The following EDIL3 variants were observed in gnomAD, a reference collection of about 807,000 sequenced individuals.
The protein encoded by EDIL3 is EGF-like repeat and discoidin I-like domain-containing protein 3.
Under a neutral mutation model 67.4 loss-of-function variants are expected in EDIL3, and 37 were observed. The observed-to-expected ratio is 0.55, with a 90% confidence interval of 0.42 to 0.72. The LOEUF (loss-of-function observed/expected upper bound fraction) is 0.72. EDIL3 is among the 30% of genes least tolerant of loss of function. The pLI is 0.00. For missense variants in EDIL3, 527 were observed against 586.3 expected (o/e 0.90, Z 1.04); for synonymous variants, 195 against 196.3 (o/e 0.99, Z 0.05).
intron 3 of EDIL3, among the ~76,000 whole-genome samples, chr5:84,210,202 T>G (rs1452772489): frequency 6.6e-6 from 1 of 152,184 alleles, no homozygotes; most frequent in Non-Finnish European, 1.5e-5. Flanking sequence ...TAGTAAATAT[T>G]TGTTTTTCAT....
At chr5:84,339,475 T>A (rs1747054744) in intron 1 of EDIL3, among the ~76,000 whole-genome samples, 1 of 152,180 alleles carries the variant, frequency 6.6e-6, no homozygotes, top group Non-Finnish European at 1.5e-5. Context: ...TTCTCCCTCT[T>A]TACTGGCTGT....
chr5:84,205,905 T>C (rs1452753412), intron 3 of EDIL3, among the ~76,000 whole-genome samples: 4 of 150,582 alleles, frequency 2.7e-5, no homozygotes, highest in African/African-American at 7.3e-5. Flanking sequence ...TTTGTGTCTC[T>C]ATTTCCTTCA....
chr5:84,016,368 T>C (rs1389042702), intron 9 of EDIL3, among the ~76,000 whole-genome samples: 1 of 152,158 alleles, frequency 6.6e-6, no homozygotes, highest in Non-Finnish European at 1.5e-5. Context: ...ACTTCTTTCT[T>C]TTCTTCCTCT....
At chr5:83,978,847 TA>T (rs1365546189) in intron 9 of EDIL3, among the ~76,000 whole-genome samples, 1 of 152,066 alleles carries the variant, frequency 6.6e-6, no homozygotes, top group African/African-American at 2.4e-5. Flanking sequence ...CTCTTAAATG[TA>T]AAAAGTGAAA....
At chr5:83,992,668 C>A (rs915015791) in intron 9 of EDIL3, among the ~76,000 whole-genome samples, 1 of 152,080 alleles carries the variant, frequency 6.6e-6, no homozygotes, top group African/African-American at 2.4e-5. Context: ...GAGATATTTA[C>A]AATGAGATAT....
chr5:84,211,594 G>C (rs1384099742), intron 3 of EDIL3, among the ~76,000 whole-genome samples: 5 of 152,112 alleles, frequency 3.3e-5, no homozygotes, highest in Non-Finnish European at 5.9e-5. Context: ...ACAGACAAAA[G>C]CGGAGCAGGT....
At chr5:84,205,241 C>T (rs1743943253) in intron 3 of EDIL3, among the ~76,000 whole-genome samples, 1 of 151,466 alleles carries the variant, frequency 6.6e-6, no homozygotes, top group East Asian at 1.9e-4. Flanking sequence ...TTTCTAATAA[C>T]ATATATATAT....
chr5:83,963,820 AC>A (rs1331268463), intron 9 of EDIL3, among the ~76,000 whole-genome samples: 1 of 151,858 alleles, frequency 6.6e-6, no homozygotes, highest in East Asian at 1.9e-4. Context: ...CACATCAGGG[AC>A]AAAAATAGTA....
chr5:84,224,688 C>T (rs1744414150), intron 3 of EDIL3, among the ~76,000 whole-genome samples: 2 of 151,380 alleles, frequency 1.3e-5, no homozygotes, highest in Admixed American at 6.6e-5. Flanking sequence ...TACCCCCTCA[C>T]ATTCTTCATA....
At chr5:84,214,908 G>A (rs1382969376) in intron 3 of EDIL3, among the ~76,000 whole-genome samples, 1 of 151,920 alleles carries the variant, frequency 6.6e-6, no homozygotes, top group Admixed American at 6.6e-5. Flanking sequence ...TAGTAGAGAT[G>A]GAGTTTCACT....
chr5:84,140,904 T>C (rs1163797202), intron 4 of EDIL3, among the ~76,000 whole-genome samples: 1 of 152,118 alleles, frequency 6.6e-6, no homozygotes, highest in Admixed American at 6.6e-5. Context: ...ATGCAGGAGT[T>C]CTTTCAGCAG....
At chr5:83,947,544 T>A (rs1452961917) in intron 10 of EDIL3, among the ~76,000 whole-genome samples, 1 of 151,856 alleles carries the variant, frequency 6.6e-6, no homozygotes, top group African/African-American at 2.4e-5. Context: ...AACCCTGTTT[T>A]TATCTAATTC....
At chr5:84,161,499 A>T (rs1748612816) in intron 4 of EDIL3, among the ~76,000 whole-genome samples, 1 of 152,052 alleles carries the variant, frequency 6.6e-6, no homozygotes, top group African/African-American at 2.4e-5. Flanking sequence ...AAACAAAACA[A>T]AAGCATCCTT....
At chr5:84,273,255 C>A (rs1270643777) in intron 1 of EDIL3, among the ~76,000 whole-genome samples, 1 of 152,142 alleles carries the variant, frequency 6.6e-6, no homozygotes, top group Non-Finnish European at 1.5e-5. Flanking sequence ...CAATTCCTAT[C>A]TTTAGGGCGC....
At chr5:84,308,642 TTAAAA>T (rs555500304) in intron 1 of EDIL3, among the ~76,000 whole-genome samples, 62 of 152,274 alleles carry the variant, frequency 4.1e-4, no homozygotes, top group Middle Eastern at 3.4e-3. Context: ...TTTAGAAATA[TTAAAA>T]TAAAACAGAC....
intron 9 of EDIL3, among the ~76,000 whole-genome samples, chr5:84,000,345 T>C (rs1484474600): frequency 1.3e-5 from 2 of 152,144 alleles, no homozygotes; most frequent in Non-Finnish European, 2.9e-5. Context: ...CTATGACCAC[T>C]TTTAAAGATT....
chr5:84,055,157 C>T (rs1198936215), intron 9 of EDIL3, among the ~76,000 whole-genome samples: 7 of 146,110 alleles, frequency 4.8e-5, no homozygotes, highest in African/African-American at 1.9e-4. Context: ...TAATAACACA[C>T]ATCTACAACT....
chr5:83,947,677 T>C (rs866349460), intron 10 of EDIL3, among the ~76,000 whole-genome samples: 4 of 151,788 alleles, frequency 2.6e-5, no homozygotes, highest in Non-Finnish European at 5.9e-5. Flanking sequence ...CTCAATACAA[T>C]AGGACAGGTA....
chr5:83,972,671 C>T (rs969448692), intron 9 of EDIL3, among the ~76,000 whole-genome samples: 2 of 151,894 alleles, frequency 1.3e-5, no homozygotes, highest in Non-Finnish European at 2.9e-5. Flanking sequence ...TCCATGTATA[C>T]GAATGAAAGT....
Sources: allele counts gnomAD v4.1 joint callset (sites outside exome capture counted in the v4.1 genomes callset), GRCh38; gene constraint gnomAD v4.1.1; transcripts MANE v1.5; gene names NCBI Gene and HGNC (gene_info 2026-07-23, HGNC 2026-07-21).